XYLB: variants seen among roughly 807,000 people sequenced by gnomAD.
The protein encoded by XYLB is xylulokinase.
XYLB carries 62 observed loss-of-function variants against 78.7 expected under a neutral mutation model. The ratio of observed to expected loss-of-function variants is 0.79; its 90% CI spans 0.64 to 0.97. The LOEUF (loss-of-function observed/expected upper bound fraction) is 0.97, where lower values mean the gene tolerates loss of function less well. XYLB is among the 50% of genes least tolerant of loss of function. The pLI is 0.00. For missense variants in XYLB, 687 were observed against 676.8 expected, an observed-to-expected ratio of 1.02 and a Z score of -0.17; for synonymous variants, 245 against 247.4, an observed-to-expected ratio of 0.99 and a Z score of 0.09.
At chr3:38,392,677 C>G (rs1707717708) in intron 15 of XYLB, among the ~76,000 whole-genome samples, 1 of 152,054 alleles carries the variant, frequency 6.6e-6, no homozygotes, top group Non-Finnish European at 1.5e-5. Context: ...TCCCATTTTT[C>G]TATTTGATTT....
chr3:38,408,843 T>C (rs1281466031), intron 18 of XYLB, among the ~76,000 whole-genome samples: 1 of 152,106 alleles, frequency 6.6e-6, no homozygotes, highest in African/African-American at 2.4e-5. Context: ...CAGGAAGAAG[T>C]TGAATCTCTG....
At chr3:38,396,985 G>A (rs907307958) in intron 16 of XYLB, 87 bp from the exon 17 acceptor site, 1 of 1,342,332 alleles carries the variant, frequency 7.4e-7, no homozygotes, top group Admixed American at 1.7e-5. Context: ...GACATATGAG[G>A]GAGAGAGCCT....
chr3:38,424,456 C>G (rs1709061679), downstream of XYLB, among the ~76,000 whole-genome samples: 1 of 152,194 alleles, frequency 6.6e-6, no homozygotes, highest in Non-Finnish European at 1.5e-5. Context: ...TCTTGATAAT[C>G]ACTTTCCAAA....
At chr3:38,364,379 A>T (rs902746225) in intron 4 of XYLB, among the ~76,000 whole-genome samples, 1 of 151,604 alleles carries the variant, frequency 6.6e-6, no homozygotes, top group Non-Finnish European at 1.5e-5. Context: ...CGTGACTCCC[A>T]CAAGCCTTTA....
the XYLB span, chr3:38,451,161 G>A: frequency 1.3e-5 from 2 of 152,272 alleles, no homozygotes. Flanking sequence ...TAAGAAAACA[G>A]GAACATGGGA....
rs1159036300 is a variant in XYLB, at chr3:38,346,882, C to A, written c.14C>A (p.Ala5Asp). The A allele has an allele frequency of 2.6e-6, 4 of 1,520,430 alleles. No homozygotes were observed. The highest frequency in any genetic ancestry group is 3.5e-6 in the Non-Finnish European group (4 of 1,137,034). 94.2% of individuals were successfully genotyped at this position (1,520,430 alleles called of 1,614,324 possible). Residue 5 changes from alanine (A) to aspartate (D), a missense_variant, in exon 1 of 19, where the codon GCC becomes GAC. Ala to Asp is a moderately radical substitution (Grantham distance 126, BLOSUM62 -2). Coordinates refer to ENST00000207870, the MANE Select transcript of XYLB (RefSeq NM_005108.4). Reference protein sequence around the residue: MAEHAPRRCCLGWDF... With the variant: MAEHDPRRCCLGWDF... ...ACCCGAAAGGCCATGGCGGAGCACGCCCCTCGCCGCTGCTGCCTGGGCTGG... is the reference window on the plus strand; with the variant it reads ...ACCCGAAAGGCCATGGCGGAGCACGACCCTCGCCGCTGCTGCCTGGGCTGG...
chr3:38,425,206 G>C (rs1709076541), downstream of XYLB, among the ~76,000 whole-genome samples: 1 of 152,190 alleles, frequency 6.6e-6, no homozygotes, highest in African/African-American at 2.4e-5. Flanking sequence ...TGCTAAACAG[G>C]GGAATCTTCT....
chr3:38,431,427 T>A, the XYLB span, among the ~76,000 whole-genome samples: 1 of 152,256 alleles, frequency 6.6e-6, no homozygotes, highest in Non-Finnish European at 1.5e-5. Flanking sequence ...CTGAAGTTGC[T>A]TATCAGCTTA....
chr3:38,373,021 C>T (rs186132156), intron 10 of XYLB, among the ~76,000 whole-genome samples: 72 of 152,288 alleles, frequency 4.7e-4, no homozygotes, highest in Admixed American at 3.6e-3. Context: ...GAAAACTGCC[C>T]AATGATTATG....
the XYLB span, among the ~76,000 whole-genome samples, chr3:38,429,031 G>A: frequency 2.6e-5 from 4 of 152,302 alleles, no homozygotes; most frequent in South Asian, 6.2e-4. Context: ...GGATTGCCAC[G>A]ATTGCAGAGA....
chr3:38,431,735 G>A, the XYLB span, among the ~76,000 whole-genome samples: 1 of 152,224 alleles, frequency 6.6e-6, no homozygotes, highest in Admixed American at 6.5e-5. Flanking sequence ...CCCTAAGGCT[G>A]GGGAGGCCTT....
At chr3:38,365,971 G>A (rs757290639) in intron 6 of XYLB, among the ~76,000 whole-genome samples, 27 of 152,144 alleles carry the variant, frequency 1.8e-4, no homozygotes, top group Admixed American at 1.6e-3. Context: ...GCATGGGGGT[G>A]AGGGTACCCC....
chr3:38,355,166 T>C (rs1705582117), intron 2 of XYLB, among the ~76,000 whole-genome samples: 3 of 152,242 alleles, frequency 2.0e-5, no homozygotes, highest in Non-Finnish European at 4.4e-5. Context: ...CCTTATGTGC[T>C]TCTGCTGTCA....
chr3:38,369,378 C>T (rs554112597), intron 8 of XYLB, among the ~76,000 whole-genome samples: 29 of 152,282 alleles, frequency 1.9e-4, no homozygotes, highest in African/African-American at 6.5e-4. Flanking sequence ...TTCCGGGGGG[C>T]ATTCCAGAGG....
At chr3:38,347,611 G>T (rs1019953707) in intron 1 of XYLB, among the ~76,000 whole-genome samples, 1 of 152,112 alleles carries the variant, frequency 6.6e-6, no homozygotes, top group Non-Finnish European at 1.5e-5. Context: ...AGGAGGTGGA[G>T]ATTGCAGTGA....
intron 17 of XYLB, among the ~76,000 whole-genome samples, chr3:38,399,063 A>G (rs1575527104): frequency 6.6e-6 from 1 of 152,018 alleles, no homozygotes; most frequent in Non-Finnish European, 1.5e-5. Context: ...AACAAAAAAA[A>G]ACAAACTTCT....
chr3:38,441,097 C>A, the XYLB span, among the ~76,000 whole-genome samples: 1 of 152,148 alleles, frequency 6.6e-6, no homozygotes, highest in African/African-American at 2.4e-5. Flanking sequence ...ATGGCTTTGG[C>A]AGTGTAAGAC....
At chr3:38,367,807 C>T (rs1161106284) in intron 7 of XYLB, among the ~76,000 whole-genome samples, 1 of 152,184 alleles carries the variant, frequency 6.6e-6, no homozygotes, top group Non-Finnish European at 1.5e-5. Context: ...ACATCCACTT[C>T]CCTTGTAACC....
intron 15 of XYLB, among the ~76,000 whole-genome samples, chr3:38,382,599 G>C (rs1222623018): frequency 6.6e-6 from 1 of 152,196 alleles, no homozygotes; most frequent in Non-Finnish European, 1.5e-5. Context: ...TTTCCTAAAG[G>C]TCTGCAAAGA....
Sources: gnomAD v4.1 joint callset for allele counts (sites outside exome capture counted in the v4.1 genomes callset) on GRCh38, gnomAD v4.1.1 for gene constraint, MANE v1.5 for transcripts, NCBI Gene and HGNC (gene_info 2026-07-23, HGNC 2026-07-21) for gene names.